HPSE2: variants seen among roughly 807,000 people sequenced by gnomAD.
The protein encoded by HPSE2 is inactive heparanase-2.
Under a neutral mutation model 60.5 loss-of-function variants are expected in HPSE2, and 38 were observed. The observed-to-expected ratio is 0.63, with a 90% CI of 0.48 to 0.82. The LOEUF (loss-of-function observed/expected upper bound fraction) is 0.82, where lower values mean the gene tolerates loss of function less well. HPSE2 is among the 40% of genes least tolerant of loss of function. HPSE2 has a pLI of 0.00. For synonymous variants in HPSE2, 295 were observed against 293.2 expected, an observed-to-expected ratio of 1.01 and a Z score of -0.06; for missense variants, 713 against 740.4, an observed-to-expected ratio of 0.96 and a Z score of 0.43.
At chr10:99,015,565 A>T (rs1396483149) in intron 3 of HPSE2, among the ~76,000 whole-genome samples, 1 of 151,978 alleles carries the variant, frequency 6.6e-6, no homozygotes, top group Non-Finnish European at 1.5e-5. Flanking sequence ...AACTATCACA[A>T]GGACAAAAAA....
intron 2 of HPSE2, among the ~76,000 whole-genome samples, chr10:99,209,223 G>A (rs1301508287): frequency 6.6e-6 from 1 of 152,118 alleles, no homozygotes; most frequent in Non-Finnish European, 1.5e-5. Flanking sequence ...AATTCTCCAG[G>A]ATTGGTCATA....
At chr10:99,005,121 G>A (rs1956861990) in intron 3 of HPSE2, among the ~76,000 whole-genome samples, 1 of 151,924 alleles carries the variant, frequency 6.6e-6, no homozygotes, top group Non-Finnish European at 1.5e-5. Context: ...ATATGTCTTG[G>A]CATAATCTTG....
At chr10:99,265,329 C>T in the HPSE2 span, among the ~76,000 whole-genome samples, 1 of 152,192 alleles carries the variant, frequency 6.6e-6, no homozygotes, top group African/African-American at 2.4e-5. Context: ...AAATATACAG[C>T]CTTGTTGCTC....
chr10:98,561,017 T>C (rs1228594557), intron 9 of HPSE2, among the ~76,000 whole-genome samples: 3 of 152,202 alleles, frequency 2.0e-5, no homozygotes, highest in African/African-American at 7.2e-5. Context: ...TTTTACTTAT[T>C]AAAATTTAAC....
intron 3 of HPSE2, among the ~76,000 whole-genome samples, chr10:99,030,622 C>T (rs1038479802): frequency 3.3e-5 from 5 of 152,134 alleles, no homozygotes; most frequent in African/African-American, 7.2e-5. Flanking sequence ...TCATACAATC[C>T]GGCAATCCCA....
intron 3 of HPSE2, among the ~76,000 whole-genome samples, chr10:98,840,336 A>G (rs1035759202): frequency 1.3e-5 from 2 of 152,226 alleles, no homozygotes; most frequent in Non-Finnish European, 2.9e-5. Context: ...TTTGGACTCC[A>G]TCCGTAGATG....
intron 3 of HPSE2, among the ~76,000 whole-genome samples, chr10:99,028,851 T>C (rs992965870): frequency 6.6e-6 from 1 of 152,194 alleles, no homozygotes; most frequent in Admixed American, 6.5e-5. Context: ...GTGAACTCAT[T>C]TTTGACAAAA....
At chr10:98,809,954 A>G (rs1325630930) in intron 3 of HPSE2, among the ~76,000 whole-genome samples, 2 of 152,164 alleles carry the variant, frequency 1.3e-5, no homozygotes, top group African/African-American at 4.8e-5. Flanking sequence ...CAGATGGCGG[A>G]AAACCATAGA....
intron 3 of HPSE2, among the ~76,000 whole-genome samples, chr10:99,083,498 CTT>C (rs1188310533): frequency 6.6e-6 from 1 of 152,154 alleles, no homozygotes; most frequent in African/African-American, 2.4e-5. Flanking sequence ...TAGGAGGTCT[CTT>C]TTAAATCCCT....
chr10:99,139,253 A>G (rs1845776198), intron 3 of HPSE2, among the ~76,000 whole-genome samples: 1 of 152,182 alleles, frequency 6.6e-6, no homozygotes, highest in African/African-American at 2.4e-5. Flanking sequence ...AAAGGCATAC[A>G]GAGTGGTATA....
chr10:99,209,979 C>A (rs1216731668), intron 2 of HPSE2, among the ~76,000 whole-genome samples: 2 of 152,154 alleles, frequency 1.3e-5, no homozygotes, highest in East Asian at 3.9e-4. Flanking sequence ...TAAGCCACTG[C>A]GCCCAGCCTT....
At chr10:98,687,727 CT>C (rs376293951) in intron 6 of HPSE2, among the ~76,000 whole-genome samples, 55 of 152,190 alleles carry the variant, frequency 3.6e-4, no homozygotes, top group African/African-American at 1.3e-3. Flanking sequence ...GGTAATCCTC[CT>C]TTTTTTGAAG....
intron 3 of HPSE2, among the ~76,000 whole-genome samples, chr10:98,985,042 A>T (rs1215656980): frequency 1.3e-5 from 2 of 152,234 alleles, no homozygotes. Flanking sequence ...GACAGGGAGA[A>T]TGGAACCAAG....
intron 9 of HPSE2, among the ~76,000 whole-genome samples, chr10:98,573,779 C>A (rs1285689507): frequency 6.6e-6 from 1 of 152,188 alleles, no homozygotes; most frequent in Non-Finnish European, 1.5e-5. Flanking sequence ...AGGTTAAAAA[C>A]CACGAGCACT....
At chr10:99,078,532 G>A (rs1843022187) in intron 3 of HPSE2, among the ~76,000 whole-genome samples, 1 of 152,078 alleles carries the variant, frequency 6.6e-6, no homozygotes, top group Non-Finnish European at 1.5e-5. Flanking sequence ...GTTCAATACA[G>A]ATGCATTTTT....
intron 2 of HPSE2, among the ~76,000 whole-genome samples, chr10:99,151,585 A>G (rs1376189162): frequency 6.6e-6 from 1 of 152,222 alleles, no homozygotes; most frequent in African/African-American, 2.4e-5. Flanking sequence ...AGCCCAAGAT[A>G]AAAAGAAAAT....
intron 9 of HPSE2, among the ~76,000 whole-genome samples, chr10:98,537,641 A>T (rs191998034): frequency 2.0e-5 from 3 of 152,334 alleles, no homozygotes; most frequent in African/African-American, 7.2e-5. Flanking sequence ...CGCCCGCATA[A>T]GGGCCGCTTG....
intron 6 of HPSE2, among the ~76,000 whole-genome samples, chr10:98,676,060 G>C (rs1489474884): frequency 2.0e-5 from 3 of 151,780 alleles, no homozygotes; most frequent in Admixed American, 6.6e-5. Context: ...AGGAAGTGAG[G>C]GCTAAACCCT....
chr10:98,652,387 T>G (rs1946941600), intron 6 of HPSE2, among the ~76,000 whole-genome samples: 1 of 152,200 alleles, frequency 6.6e-6, no homozygotes, highest in South Asian at 2.1e-4. Context: ...CTAAGCCTCA[T>G]GATTCAACAA....
Sources: gnomAD v4.1 joint callset for allele counts (sites outside exome capture counted in the v4.1 genomes callset) on GRCh38, gnomAD v4.1.1 for gene constraint, MANE v1.5 for transcripts, NCBI Gene and HGNC (gene_info 2026-07-23, HGNC 2026-07-21) for gene names.